FAM120C: variants seen among roughly 807,000 people sequenced by gnomAD.
FAM120C encodes constitutive coactivator of PPAR-gamma-like protein 2.
FAM120C carries 14 observed loss-of-function variants against 71.2 expected under a neutral mutation model. The observed-to-expected ratio is 0.20, with a 90% confidence interval of 0.13 to 0.31. FAM120C has a LOEUF of 0.31. FAM120C is among the 10% of genes least tolerant of loss of function. The pLI, the probability that FAM120C is intolerant of heterozygous loss-of-function variation, is 1.00. For synonymous variants in FAM120C, 354 were observed against 353.2 expected (o/e 1.00, Z -0.03); for missense variants, 500 against 879.0 (o/e 0.57, Z 5.45).
chrX:54,097,971 C>T (rs1254827365), intron 10 of FAM120C, among the ~76,000 whole-genome samples: 2 of 110,590 alleles, frequency 1.8e-5, no homozygotes, highest in African/African-American at 6.6e-5. Flanking sequence ...CGTGATCCGC[C>T]CGCCTTGGCC....
Position 54,163,355 on chromosome X carries a change from G to A in FAM120C, c.700-3739C>T, listed in dbSNP as rs190156981. ...TTGGCAATAAAAAGGAATGAAGTGC[G>A]GATTTATGCTACAACATCAATGAAC... On this transcript the variant is annotated intron_variant, in intron 1 of 15. Coordinates refer to ENST00000375180, the MANE Select transcript of FAM120C (RefSeq NM_017848.6). Among the ~76,000 whole-genome samples, 312 of 112,269 alleles carry A rather than the reference G, an allele frequency of 2.8e-3. 2 individuals are homozygous for A. The highest frequency in any genetic ancestry group is 4.6e-3 in the Middle Eastern group (1 of 219).
intron 3 of FAM120C, among the ~76,000 whole-genome samples, chrX:54,155,142 T>C (rs782275196): frequency 1.4e-4 from 16 of 111,560 alleles, no homozygotes; most frequent in Non-Finnish European, 2.3e-4. Context: ...AGTTCGAGGC[T>C]GTAGTGAGCC....
At chrX:54,151,187 G>C (rs782546440) in intron 4 of FAM120C, 58 bp downstream of exon 4, 4 of 1,173,536 alleles carry the variant, frequency 3.4e-6, no homozygotes, top group Non-Finnish European at 4.6e-6. Context: ...GGACCTGCTG[G>C]TGTTGCTGAA....
chrX:54,095,403 ATCACGGG>A (rs2066846088), intron 10 of FAM120C, among the ~76,000 whole-genome samples: 1 of 87,382 alleles, frequency 1.1e-5, no homozygotes, highest in Non-Finnish European at 2.1e-5. Flanking sequence ...CAGTGGTGTG[ATCACGGG>A]TCACTGCAGT....
chrX:54,118,635 T>C (rs973172930), intron 9 of FAM120C, among the ~76,000 whole-genome samples: 7 of 107,509 alleles, frequency 6.5e-5, no homozygotes, highest in South Asian at 4.2e-4. Context: ...TTATTCACCA[T>C]TGCCATTTTG....
chrX:54,073,433 CT>C (rs1237792457), intron 15 of FAM120C, 146 bp from the exon 16 acceptor site: 58,301 of 345,484 alleles, frequency 0.17, 1 homozygote, highest in East Asian at 0.23. Context: ...CTAGTACAAT[CT>C]TTTTTTTTTT....
chrX:54,111,335 A>G (rs1279824659), intron 10 of FAM120C, among the ~76,000 whole-genome samples: 8 of 111,616 alleles, frequency 7.2e-5, no homozygotes, highest in African/African-American at 2.6e-4. Context: ...GGGAAAAGAG[A>G]AAGTGAAATT....
At chrX:54,176,329 A>T (rs782282528) in intron 1 of FAM120C, among the ~76,000 whole-genome samples, 2 of 107,632 alleles carry the variant, frequency 1.9e-5, no homozygotes, top group East Asian at 5.9e-4. Flanking sequence ...GCTACTTGGG[A>T]GGCTGAGGCA....
At chrX:54,073,670 G>C (rs781997867) in intron 15 of FAM120C, among the ~76,000 whole-genome samples, 3 of 110,688 alleles carry the variant, frequency 2.7e-5, no homozygotes, top group Non-Finnish European at 5.7e-5. Flanking sequence ...GGCCTCAACT[G>C]ATCTGCCCGC....
intron 13 of FAM120C, among the ~76,000 whole-genome samples, chrX:54,081,883 C>T (rs1188146841): frequency 1.8e-5 from 2 of 109,972 alleles, no homozygotes; most frequent in Admixed American, 2.0e-4. Flanking sequence ...CCATTTCTCT[C>T]TGATAAAAAG....
chrX:54,158,412 T>C (rs1425607389), intron 2 of FAM120C, among the ~76,000 whole-genome samples: 1 of 112,125 alleles, frequency 8.9e-6, no homozygotes, highest in Non-Finnish European at 1.9e-5. Context: ...ATGCGCTAAG[T>C]ACTTGAAAAA....
chrX:54,145,197 T>C (rs2067148579), intron 4 of FAM120C, among the ~76,000 whole-genome samples: 1 of 112,234 alleles, frequency 8.9e-6, no homozygotes, highest in Admixed American at 9.5e-5. Flanking sequence ...ATGTTAGACC[T>C]AAAACCATGA....
At chrX:54,135,735 T>C in intron 5 of FAM120C, 131 bp from the exon 6 acceptor site, 1 of 476,992 alleles carries the variant, frequency 2.1e-6, no homozygotes, top group East Asian at 3.8e-5. Context: ...AGCTACTATG[T>C]GCCATGCTGA....
intron 14 of FAM120C, among the ~76,000 whole-genome samples, chrX:54,080,518 G>A (rs781953112): frequency 4.5e-5 from 5 of 111,790 alleles, no homozygotes; most frequent in African/African-American, 9.8e-5. Flanking sequence ...TTAAGGCAGG[G>A]CAATTTATTA....
At chrX:54,149,173 C>T (rs2067172377) in intron 4 of FAM120C, among the ~76,000 whole-genome samples, 1 of 111,955 alleles carries the variant, frequency 8.9e-6, no homozygotes, top group South Asian at 3.6e-4. Context: ...CACCATAAAT[C>T]GAAATAAATC....
intron 9 of FAM120C, among the ~76,000 whole-genome samples, chrX:54,118,069 C>A (rs1196111388): frequency 9.1e-6 from 1 of 109,294 alleles, no homozygotes; most frequent in Admixed American, 9.8e-5. Context: ...ACTAAAAATA[C>A]AAAATTAGCT....
chrX:54,160,572 T>C (rs1343379825), intron 1 of FAM120C, among the ~76,000 whole-genome samples: 2 of 111,705 alleles, frequency 1.8e-5, no homozygotes, highest in Non-Finnish European at 3.8e-5. Flanking sequence ...CCTCTATTGC[T>C]GTACTTGAAG....
At chrX:54,115,466 G>A (rs1253559630) in intron 10 of FAM120C, among the ~76,000 whole-genome samples, 1 of 111,942 alleles carries the variant, frequency 8.9e-6, no homozygotes, top group Non-Finnish European at 1.9e-5. Flanking sequence ...AATAATATGA[G>A]GAAATGAAAC....
chrX:54,142,384 T>G (rs1329795574), intron 4 of FAM120C, among the ~76,000 whole-genome samples: 1 of 112,059 alleles, frequency 8.9e-6, no homozygotes, highest in Non-Finnish European at 1.9e-5. Context: ...ACCCTAATAC[T>G]GCACTTTTCC....
Sources: gnomAD v4.1 joint callset for allele counts (sites outside exome capture counted in the v4.1 genomes callset) on GRCh38, gnomAD v4.1.1 for gene constraint, MANE v1.5 for transcripts, NCBI Gene and HGNC (gene_info 2026-07-23, HGNC 2026-07-21) for gene names.